ROBO2: variants seen among roughly 807,000 people sequenced by gnomAD.
The protein encoded by ROBO2 is roundabout guidance receptor 2.
ROBO2 carries 53 observed loss-of-function variants against 160.8 expected under a neutral mutation model. The ratio of observed to expected loss-of-function variants is 0.33; its 90% CI spans 0.26 to 0.41. The LOEUF is 0.41. ROBO2 is among the 10% of genes least tolerant of loss of function. The pLI is 1.00. For missense variants in ROBO2, 1,577 were observed against 1,722.4 expected, an observed-to-expected ratio of 0.92 and a Z score of 1.49; for synonymous variants, 664 against 611.7, an observed-to-expected ratio of 1.09 and a Z score of -1.26.
intron 2 of ROBO2, among the ~76,000 whole-genome samples, chr3:77,029,006 G>A (rs1356491125): frequency 2.0e-5 from 3 of 152,082 alleles, no homozygotes; most frequent in South Asian, 4.1e-4. Flanking sequence ...AATTTGGTCC[G>A]GGATTTTTGT....
chr3:77,586,686 G>A (rs1024717769), intron 16 of ROBO2, among the ~76,000 whole-genome samples: 30 of 151,718 alleles, frequency 2.0e-4, no homozygotes, highest in African/African-American at 7.0e-4. Context: ...AAAAATGAAG[G>A]CCAAATTTTC....
chr3:77,004,897 C>A (rs1255464420), intron 2 of ROBO2, among the ~76,000 whole-genome samples: 4 of 152,094 alleles, frequency 2.6e-5, no homozygotes, highest in Admixed American at 1.3e-4. Flanking sequence ...CCACGCCTCG[C>A]TAGGTGTCCA....
At chr3:77,240,478 C>T (rs746143444) in intron 2 of ROBO2, among the ~76,000 whole-genome samples, 2 of 152,176 alleles carry the variant, frequency 1.3e-5, no homozygotes, top group African/African-American at 2.4e-5. Context: ...TCCACACCTC[C>T]CTGCAAGCAG....
At chr3:77,260,318 T>C (rs1021514011) in intron 2 of ROBO2, among the ~76,000 whole-genome samples, 5 of 152,328 alleles carry the variant, frequency 3.3e-5, no homozygotes, top group Admixed American at 3.3e-4. Flanking sequence ...TAACCCAACT[T>C]ACTGGAGTAG....
At position 76,183,237 on chromosome 3, in the gene ROBO2, C is replaced by A. The variant is rs569891444; in HGVS notation, c.109+245635C>A. ...ACTTCTTACATGGCAGCTCAGAGGT[C>A]CTGGAGACAGCAATTCAAGTAACCT... is the stretch of plus-strand genomic sequence containing the variant. On this transcript the variant is annotated intron_variant, in intron 2 of 26. Transcript: ENST00000487694. Among the ~76,000 whole-genome samples, 4 of 146,000 alleles carry A rather than the reference C, an allele frequency of 2.7e-5. No homozygotes were observed. In the East Asian group the frequency reaches 1.2e-3, roughly 44 times the overall value.
chr3:76,297,844 C>G (rs566753275), intron 2 of ROBO2, among the ~76,000 whole-genome samples: 11 of 151,958 alleles, frequency 7.2e-5, no homozygotes, highest in Admixed American at 1.3e-4. Flanking sequence ...ATCTAGTGCT[C>G]TAGTTTCTCT....
chr3:77,577,388 CCA>C (rs2093796509), intron 14 of ROBO2, 100 bp from the exon 16 acceptor site: 1 of 1,485,594 alleles, frequency 6.7e-7, no homozygotes, highest in Admixed American at 1.7e-5. Context: ...CTCCTGGAAG[CCA>C]GAGTCTCCTG....
intron 2 of ROBO2, among the ~76,000 whole-genome samples, chr3:76,022,486 C>T (rs180830868): frequency 7.9e-5 from 12 of 151,856 alleles, no homozygotes; most frequent in African/African-American, 1.2e-4. Flanking sequence ...GTTGAAATTA[C>T]TCCTTGATTC....
chr3:77,264,466 T>C (rs60350852), intron 2 of ROBO2, among the ~76,000 whole-genome samples: 3,465 of 152,300 alleles, frequency 0.023, 128 homozygotes, highest in African/African-American at 0.078. Flanking sequence ...TGGAGAAAGA[T>C]AGTAATTTTC....
At chr3:77,416,381 TGAGGTTG>T (rs1050885700) in intron 2 of ROBO2, among the ~76,000 whole-genome samples, 21 of 152,212 alleles carry the variant, frequency 1.4e-4, no homozygotes, top group African/African-American at 4.8e-4. Flanking sequence ...GTCTTTGGCT[TGAGGTTG>T]GATTTCACCA....
chr3:76,178,766 ACC>A (rs2073320279), intron 2 of ROBO2, among the ~76,000 whole-genome samples: 1 of 151,882 alleles, frequency 6.6e-6, no homozygotes, highest in Non-Finnish European at 1.5e-5. Flanking sequence ...AACATGGAAA[ACC>A]CTGTCTCTAC....
intron 2 of ROBO2, among the ~76,000 whole-genome samples, chr3:76,049,383 G>GTA (rs1553727226): frequency 0.016 from 584 of 36,624 alleles, 7 homozygotes; most frequent in East Asian, 0.033. Context: ...GCTAATTTTA[G>GTA]TATATATATA....
intron 2 of ROBO2, among the ~76,000 whole-genome samples, chr3:76,405,898 G>GT (rs1183598246): frequency 1.3e-5 from 2 of 151,708 alleles, no homozygotes; most frequent in African/African-American, 4.8e-5. Context: ...ATATGGTTCT[G>GT]TAATACACTG....
At chr3:77,377,075 G>T (rs1290883868) in intron 2 of ROBO2, among the ~76,000 whole-genome samples, 1 of 152,052 alleles carries the variant, frequency 6.6e-6, no homozygotes, top group Non-Finnish European at 1.5e-5. Flanking sequence ...CAATTATGTG[G>T]TGATTTGTGA....
At chr3:76,715,067 T>C (rs2093357801) in intron 2 of ROBO2, among the ~76,000 whole-genome samples, 1 of 152,178 alleles carries the variant, frequency 6.6e-6, no homozygotes, top group Admixed American at 6.5e-5. Flanking sequence ...TGCCACTTTG[T>C]ATTTGCACAA....
In ROBO2 at chr3:76,266,869, C is replaced by T. The variant is rs1449394955; in HGVS notation, c.109+329267C>T. ...CTGTAAAACCCCATGTATTAAGTAACATTTTCTTCCCTTAGATCTCTCAAA... is the reference window on the plus strand; with the variant it reads ...CTGTAAAACCCCATGTATTAAGTAATATTTTCTTCCCTTAGATCTCTCAAA... On this transcript the variant is annotated intron_variant, in intron 2 of 26. Transcript: ENST00000487694. Among the ~76,000 whole-genome samples, 3 of 152,114 alleles carry T rather than the reference C, an allele frequency of 2.0e-5. No individual in the cohort carries two copies. In the East Asian group the frequency reaches 5.8e-4, roughly 29 times the overall value.
intron 19 of ROBO2, among the ~76,000 whole-genome samples, chr3:77,601,780 T>C (rs1402972307): frequency 5.3e-5 from 8 of 152,204 alleles, no homozygotes; most frequent in Non-Finnish European, 1.2e-4. Flanking sequence ...AATGTTAGCA[T>C]GTATTTAGCA....
chr3:77,038,804 T>C (rs997911653), upstream of ROBO2, among the ~76,000 whole-genome samples: 2 of 152,178 alleles, frequency 1.3e-5, no homozygotes, highest in East Asian at 3.9e-4. Flanking sequence ...GTAGTCTTGG[T>C]CTTAATTTTC....
intron 2 of ROBO2, among the ~76,000 whole-genome samples, chr3:77,265,611 A>G (rs1032586853): frequency 2.0e-5 from 3 of 152,158 alleles, no homozygotes; most frequent in Non-Finnish European, 2.9e-5. Context: ...ACCATTAGAT[A>G]TGATTCATAT....
Sources: gnomAD v4.1 joint callset for allele counts (sites outside exome capture counted in the v4.1 genomes callset) on GRCh38, gnomAD v4.1.1 for gene constraint, MANE v1.5 for transcripts, NCBI Gene and HGNC (gene_info 2026-07-23, HGNC 2026-07-21) for gene names.